The following GPR39 variants were observed in gnomAD, a reference collection of about 807,000 sequenced individuals.
GPR39 encodes zinc sensing receptor.
Under a neutral mutation model 18.4 loss-of-function variants are expected in GPR39, and 23 were observed. That is an observed-to-expected ratio of 1.25 (90% CI 0.90 to 1.77). The LOEUF (loss-of-function observed/expected upper bound fraction) is 1.77, where lower values mean the gene tolerates loss of function less well. Ranked by LOEUF, GPR39 falls within the 40% of genes most tolerant of loss-of-function variation. The probability of loss-of-function intolerance (pLI) is 0.00; values close to 1 mark genes in which losing one functional copy is unlikely to be tolerated. For missense variants in GPR39, 647 were observed against 602.4 expected (o/e 1.07, Z -0.78); for synonymous variants, 280 against 257.9 (o/e 1.09, Z -0.82).
chr2:132,470,100 G>C (rs1346833340), intron 1 of GPR39, among the ~76,000 whole-genome samples: 1 of 152,194 alleles, frequency 6.6e-6, no homozygotes, highest in Non-Finnish European at 1.5e-5. Flanking sequence ...CTGGGCAAGA[G>C]CTGTGATCAC....
At chr2:132,423,957 G>C (rs945421605) in intron 1 of GPR39, among the ~76,000 whole-genome samples, 1 of 152,134 alleles carries the variant, frequency 6.6e-6, no homozygotes. Flanking sequence ...GCATGCATTC[G>C]TATAGAGGTT....
intron 1 of GPR39, among the ~76,000 whole-genome samples, chr2:132,504,131 GT>G (rs1382879446): frequency 2.0e-5 from 3 of 152,150 alleles, no homozygotes; most frequent in African/African-American, 7.2e-5. Flanking sequence ...TTCCTGGTAT[GT>G]TCCTGCAGTC....
At chr2:132,611,959 C>T (rs1371449120) in intron 1 of GPR39, among the ~76,000 whole-genome samples, 1 of 152,156 alleles carries the variant, frequency 6.6e-6, no homozygotes, top group African/African-American at 2.4e-5. Flanking sequence ...CATCTACACC[C>T]ATACTTAATA....
chr2:132,476,462 C>T (rs887792289), intron 1 of GPR39, among the ~76,000 whole-genome samples: 1 of 151,630 alleles, frequency 6.6e-6, no homozygotes, highest in African/African-American at 2.4e-5. Flanking sequence ...ATGGTGAAAC[C>T]CTGTCTCCAC....
intron 1 of GPR39, among the ~76,000 whole-genome samples, chr2:132,617,325 A>G (rs1272259870): frequency 1.3e-5 from 2 of 151,836 alleles, no homozygotes; most frequent in African/African-American, 4.8e-5. Flanking sequence ...GATATTACAG[A>G]GTTGTTTTCG....
intron 1 of GPR39, among the ~76,000 whole-genome samples, chr2:132,531,907 A>C: frequency 6.6e-6 from 1 of 152,240 alleles, no homozygotes; most frequent in Non-Finnish European, 1.5e-5. Context: ...GGAAAGATAT[A>C]AAATTGACAC....
At position 132,587,500 on chromosome 2, in the gene GPR39, G is replaced by A. The variant is rs145525337; in HGVS notation, c.857-57601G>A. Among the ~76,000 whole-genome samples, 7 of 152,220 alleles carry A rather than the reference G, an allele frequency of 4.6e-5. No individual in the cohort carries two copies. In the East Asian group the frequency reaches 1.4e-3, roughly 29 times the overall value. On this transcript the variant is annotated intron_variant, in intron 1 of 1. Coordinates refer to ENST00000329321, the MANE Select transcript of GPR39 (RefSeq NM_001508.3). Reference sequence around the variant, plus strand: ...GTGAAATACTTTTTAAAATGGGAGTGTCTTTGCTTTCTTGATTAGGTCTTT... The same window carrying A: ...GTGAAATACTTTTTAAAATGGGAGTATCTTTGCTTTCTTGATTAGGTCTTT...
At chr2:132,602,735 A>G (rs1681064256) in intron 1 of GPR39, among the ~76,000 whole-genome samples, 1 of 152,064 alleles carries the variant, frequency 6.6e-6, no homozygotes, top group South Asian at 2.1e-4. Flanking sequence ...TGATTTGAAT[A>G]GACATTTCTC....
chr2:132,495,269 C>A (rs943769352), intron 1 of GPR39, among the ~76,000 whole-genome samples: 2 of 152,204 alleles, frequency 1.3e-5, no homozygotes, highest in Non-Finnish European at 2.9e-5. Flanking sequence ...GTGAACCTTA[C>A]ATTTGTCAAG....
At chr2:132,514,688 A>C (rs1200905802) in intron 1 of GPR39, among the ~76,000 whole-genome samples, 2 of 152,122 alleles carry the variant, frequency 1.3e-5, no homozygotes, top group Admixed American at 1.3e-4. Flanking sequence ...TCCTCTCTAC[A>C]CCGTGGAAGA....
At chr2:132,524,153 C>T (rs550207399) in intron 1 of GPR39, among the ~76,000 whole-genome samples, 32 of 152,302 alleles carry the variant, frequency 2.1e-4, no homozygotes, top group African/African-American at 6.7e-4. Flanking sequence ...GTGGCCACTG[C>T]TGTGGCCATG....
intron 1 of GPR39, among the ~76,000 whole-genome samples, chr2:132,430,050 G>C (rs1306382108): frequency 2.0e-5 from 3 of 152,244 alleles, no homozygotes; most frequent in African/African-American, 7.2e-5. Flanking sequence ...GCAGGAAGGA[G>C]TGCAAAAACA....
At chr2:132,564,554 C>A (rs1432227488) in intron 1 of GPR39, among the ~76,000 whole-genome samples, 1 of 152,112 alleles carries the variant, frequency 6.6e-6, no homozygotes, top group Non-Finnish European at 1.5e-5. Flanking sequence ...TGTTTTCTCA[C>A]CCCTTCCTCT....
intron 1 of GPR39, among the ~76,000 whole-genome samples, chr2:132,448,187 A>G (rs1477160570): frequency 6.6e-6 from 1 of 152,198 alleles, no homozygotes; most frequent in East Asian, 1.9e-4. Flanking sequence ...AGAAGTTCCT[A>G]TAATGAACAG....
At chr2:132,483,957 T>TG (rs1436070599) in intron 1 of GPR39, among the ~76,000 whole-genome samples, 2 of 152,232 alleles carry the variant, frequency 1.3e-5, no homozygotes, top group African/African-American at 2.4e-5. Context: ...TGTTAGTTGG[T>TG]GGATCAAAGT....
chr2:132,577,854 C>T (rs774586972), intron 1 of GPR39, among the ~76,000 whole-genome samples: 3 of 152,042 alleles, frequency 2.0e-5, no homozygotes, highest in Admixed American at 6.6e-5. Flanking sequence ...ATTTTCAATC[C>T]GTATGCCTTT....
chr2:132,420,249 T>C, intron 1 of GPR39, among the ~76,000 whole-genome samples: 1 of 152,216 alleles, frequency 6.6e-6, no homozygotes, highest in East Asian at 1.9e-4. Flanking sequence ...GCCCATTTTC[T>C]CTGCGGTAGG....
At chr2:132,492,705 A>G (rs1681510783) in intron 1 of GPR39, among the ~76,000 whole-genome samples, 2 of 142,916 alleles carry the variant, frequency 1.4e-5, no homozygotes, top group Non-Finnish European at 3.0e-5. Context: ...TATATATAAT[A>G]TATATACACA....
At chr2:132,566,848 G>A (rs187796175) in intron 1 of GPR39, among the ~76,000 whole-genome samples, 12 of 152,126 alleles carry the variant, frequency 7.9e-5, no homozygotes, top group African/African-American at 2.9e-4. Flanking sequence ...TTTCCTTCCC[G>A]TGAACATTTT....
Sources: gnomAD v4.1 joint callset for allele counts (sites outside exome capture counted in the v4.1 genomes callset) on GRCh38, gnomAD v4.1.1 for gene constraint, MANE v1.5 for transcripts, NCBI Gene and HGNC (gene_info 2026-07-23, HGNC 2026-07-21) for gene names.